The following PIK3R4 variants were observed in gnomAD, a reference collection of about 807,000 sequenced individuals.
The protein encoded by PIK3R4 is phosphoinositide 3-kinase regulatory subunit 4.
PIK3R4 carries 46 observed loss-of-function variants against 136.5 expected under a neutral mutation model. The ratio of observed to expected loss-of-function variants is 0.34; its 90% CI spans 0.27 to 0.43. PIK3R4 has a LOEUF of 0.43. PIK3R4 is among the 20% of genes least tolerant of loss of function. The probability of loss-of-function intolerance (pLI) is 1.00; values close to 1 mark genes in which losing one functional copy is unlikely to be tolerated. For synonymous variants in PIK3R4, 557 were observed against 566.7 expected (o/e 0.98, Z 0.24); for missense variants, 1,331 against 1,649.5 (o/e 0.81, Z 3.35).
At chr3:130,696,851 G>C (rs2066548904) in intron 13 of PIK3R4, among the ~76,000 whole-genome samples, 2 of 151,896 alleles carry the variant, frequency 1.3e-5, no homozygotes, top group African/African-American at 4.8e-5. Context: ...GCTATTAAAG[G>C]CTCCCACTAT....
chr3:130,734,467 C>T lies in PIK3R4; in HGVS notation c.868-337G>A, dbSNP rs531192212. On this transcript the variant is annotated intron_variant, in intron 3 of 19. Transcript: ENST00000356763. ...ATCTGAGGAAAGCAATGGATCTCTT[C>T]CAGAGAAAAATGTATACACACAATT... Among the ~76,000 whole-genome samples the T allele has an allele frequency of 2.0e-5, 3 of 152,262 alleles. No homozygotes were observed. In the East Asian group the frequency reaches 5.8e-4, roughly 29 times the overall value.
chr3:130,742,176 T>A (rs909553063), intron 2 of PIK3R4, among the ~76,000 whole-genome samples: 4 of 152,094 alleles, frequency 2.6e-5, no homozygotes, highest in Middle Eastern at 3.2e-3. Context: ...AACATTCAAA[T>A]CTTAAGAGCA....
chr3:130,738,876 A>G (rs1048511873), intron 2 of PIK3R4, among the ~76,000 whole-genome samples: 2 of 152,232 alleles, frequency 1.3e-5, no homozygotes, highest in African/African-American at 4.8e-5. Flanking sequence ...TAAATGGGGC[A>G]AAACAGAGGA....
chr3:130,745,005 C>T lies in PIK3R4; in HGVS notation c.214G>A (p.Glu72Lys). Residue 72 changes from glutamate to lysine, a missense_variant, in exon 2 of 20, where the codon GAG (glutamate) becomes AAG (lysine). Around this residue, in one of 2 missense-constraint regions of PIK3R4, gnomAD observed 151 missense variants for 242.5 expected, o/e 0.62. Coordinates refer to ENST00000356763, the MANE Select transcript of PIK3R4 (RefSeq NM_014602.3). ...GAATTAAGCCTGATTTTCAGTTCCTCCAGCTCTTGTTTATAGCTGGTTAAA... is the reference window on the plus strand; with the variant it reads ...GAATTAAGCCTGATTTTCAGTTCCTTCAGCTCTTGTTTATAGCTGGTTAAA... Reference protein sequence around the residue: ...LPLTSYKQELEELKIRLNSAQ... With the variant: ...LPLTSYKQELKELKIRLNSAQ... 1 of 1,613,914 alleles carries T rather than the reference C, an allele frequency of 6.2e-7. No homozygotes were observed.
At chr3:130,711,459 G>A (rs2066632119) in intron 9 of PIK3R4, among the ~76,000 whole-genome samples, 1 of 152,196 alleles carries the variant, frequency 6.6e-6, no homozygotes, top group South Asian at 2.1e-4. Context: ...AGAAATGAAG[G>A]AGGATCTGCA....
At position 130,679,326 on chromosome 3, in the gene PIK3R4, C is replaced by A. The variant is rs1443396919; in HGVS notation, c.4066G>T (p.Val1356Leu). 2 of 1,598,998 alleles carry A rather than the reference C, an allele frequency of 1.3e-6. No homozygotes were observed. Among genetic ancestry groups the A allele is most frequent in the Admixed American group, 3.4e-5 (2 of 58,388 alleles). The part of the protein sequence containing the change: ...VTASRDGIVK[V>L]WK Reference sequence around the variant, plus strand: ...CAAATCAGTAGGTTTTATTTCCACACCTTCACAATCCCATCTCTAGAAGCA... The same window carrying A: ...CAAATCAGTAGGTTTTATTTCCACAACTTCACAATCCCATCTCTAGAAGCA... The change falls in exon 20 of 20, where the codon GTG (valine) becomes TTG (leucine). Residue 1356 changes from valine to leucine, a missense_variant. Val to Leu is a conservative substitution (Grantham distance 32). Around this residue, in one of 2 missense-constraint regions of PIK3R4, gnomAD observed 1,180 missense variants for 1,407.0 expected, o/e 0.84. Coordinates refer to ENST00000356763, the MANE Select transcript of PIK3R4 (RefSeq NM_014602.3).
At chr3:130,702,240 T>A (rs778577372) in intron 13 of PIK3R4, among the ~76,000 whole-genome samples, 1 of 152,172 alleles carries the variant, frequency 6.6e-6, no homozygotes, top group Non-Finnish European at 1.5e-5. Context: ...TCATTACAAA[T>A]CTAGGTGGCA....
intron 14 of PIK3R4, 29 bp downstream of exon 14, chr3:130,690,461 A>G: frequency 6.4e-7 from 1 of 1,567,078 alleles, no homozygotes; most frequent in South Asian, 1.1e-5. Flanking sequence ...ACTAAATACA[A>G]TGTTTAAGAA....
intron 7 of PIK3R4, among the ~76,000 whole-genome samples, chr3:130,720,883 A>C (rs989132611): frequency 7.2e-5 from 11 of 152,112 alleles, no homozygotes; most frequent in African/African-American, 2.4e-4. Context: ...CTAAATAAAT[A>C]AATACTAGCC....
intron 7 of PIK3R4, among the ~76,000 whole-genome samples, chr3:130,719,905 G>A (rs907999964): frequency 3.9e-5 from 6 of 152,112 alleles, no homozygotes; most frequent in Admixed American, 1.3e-4. Context: ...ATCACCATGA[G>A]AACATGATGT....
chr3:130,743,322 G>A (rs755095605), intron 2 of PIK3R4, among the ~76,000 whole-genome samples: 6 of 152,012 alleles, frequency 3.9e-5, no homozygotes, highest in Non-Finnish European at 8.8e-5. Context: ...AAAGAAAGCT[G>A]AGGCAAGAGG....
intron 2 of PIK3R4, among the ~76,000 whole-genome samples, chr3:130,741,234 A>C (rs1456073763): frequency 6.6e-6 from 1 of 152,188 alleles, no homozygotes; most frequent in Non-Finnish European, 1.5e-5. Flanking sequence ...TGGCGTGCTT[A>C]TAAGAAAGGA....
chr3:130,710,592 CA>C (rs2066628055), intron 9 of PIK3R4, among the ~76,000 whole-genome samples: 1 of 151,820 alleles, frequency 6.6e-6, no homozygotes, highest in African/African-American at 2.4e-5. Flanking sequence ...GCAAGGAAAA[CA>C]AAGGTATTCA....
At chr3:130,726,710 C>T (rs2066734024) in intron 6 of PIK3R4, among the ~76,000 whole-genome samples, 1 of 151,392 alleles carries the variant, frequency 6.6e-6, no homozygotes, top group Non-Finnish European at 1.5e-5. Context: ...GTTTTATTTC[C>T]AAAAGTAATA....
chr3:130,727,389 G>A (rs897350430), intron 6 of PIK3R4, among the ~76,000 whole-genome samples: 4 of 152,030 alleles, frequency 2.6e-5, no homozygotes, highest in Admixed American at 6.6e-5. Flanking sequence ...GCGCCCGGCT[G>A]ATTTTTTGTA....
At chr3:130,702,772 T>G (rs1184110046) in intron 13 of PIK3R4, among the ~76,000 whole-genome samples, 1 of 152,150 alleles carries the variant, frequency 6.6e-6, no homozygotes, top group Non-Finnish European at 1.5e-5. Flanking sequence ...ATAATCACAT[T>G]TATTAAAATC....
At chr3:130,723,306 C>T in intron 7 of PIK3R4, 108 bp downstream of exon 7, 1 of 893,158 alleles carries the variant, frequency 1.1e-6, no homozygotes, top group Non-Finnish European at 1.7e-6. Flanking sequence ...ATAGTAGGAA[C>T]CCCACACAAT....
intron 13 of PIK3R4, among the ~76,000 whole-genome samples, chr3:130,692,153 G>A (rs1287022806): frequency 1.3e-5 from 2 of 152,142 alleles, no homozygotes; most frequent in South Asian, 2.1e-4. Context: ...GGGATTACAG[G>A]TGTGAGCCAC....
chr3:130,683,990 A>G (rs181071061), intron 16 of PIK3R4, among the ~76,000 whole-genome samples: 1 of 152,266 alleles, frequency 6.6e-6, no homozygotes, highest in East Asian at 1.9e-4. Flanking sequence ...TGTAACAAAA[A>G]TAGGGGACAC....
Sources: gnomAD v4.1 joint callset for allele counts (sites outside exome capture counted in the v4.1 genomes callset) on GRCh38, gnomAD v4.1.1 for gene constraint, gnomAD v4.1.1 regional missense constraint, MANE v1.5 for transcripts, NCBI Gene and HGNC (gene_info 2026-07-23, HGNC 2026-07-21) for gene names.